Variants in HEXB observed in about 807,000 individuals in gnomAD.
HEXB encodes hexosaminidase subunit beta.
HEXB carries 51 observed loss-of-function variants against 71.2 expected under a neutral mutation model. The ratio of observed to expected loss-of-function variants is 0.72; its 90% CI spans 0.57 to 0.90. HEXB has a LOEUF of 0.90. Among genes scored for constraint, HEXB ranks in the 40% least tolerant of loss-of-function variants. The pLI, the probability that HEXB is intolerant of heterozygous loss-of-function variation, is 0.00. For synonymous variants in HEXB, 266 were observed against 249.3 expected (o/e 1.07, Z -0.63); for missense variants, 617 against 677.0 (o/e 0.91, Z 0.98).
At chr5:74,699,138 T>G (rs1749189052) in intron 5 of HEXB, among the ~76,000 whole-genome samples, 1 of 152,084 alleles carries the variant, frequency 6.6e-6, no homozygotes. Context: ...GAGCCAAGAT[T>G]ACGCCACTGC....
upstream of HEXB, among the ~76,000 whole-genome samples, chr5:74,683,700 GAGA>G (rs1382080936): frequency 6.6e-6 from 1 of 152,112 alleles, no homozygotes; most frequent in African/African-American, 2.4e-5. Flanking sequence ...AGAAAGGCAG[GAGA>G]AGGTCAGAAA....
intron 1 of HEXB, among the ~76,000 whole-genome samples, chr5:74,659,817 T>C (rs1748286708): frequency 1.3e-5 from 2 of 152,232 alleles, no homozygotes; most frequent in East Asian, 3.9e-4. Flanking sequence ...TTGATGAGAA[T>C]AAATGAAATT....
At chr5:74,712,041 A>C (rs951837501) in intron 6 of HEXB, among the ~76,000 whole-genome samples, 1 of 146,644 alleles carries the variant, frequency 6.8e-6, no homozygotes, top group Non-Finnish European at 1.5e-5. Flanking sequence ...CAAATGTCCA[A>C]CAATGATAGA....
At chr5:74,650,883 G>A (rs961234543) in intron 1 of HEXB, among the ~76,000 whole-genome samples, 19 of 137,094 alleles carry the variant, frequency 1.4e-4, no homozygotes, top group Admixed American at 4.1e-4. Context: ...CTGGGATCAC[G>A]CCACTGCACT....
chr5:74,667,687 C>T (rs1163550022), intron 1 of HEXB, among the ~76,000 whole-genome samples: 1 of 152,146 alleles, frequency 6.6e-6, no homozygotes, highest in Non-Finnish European at 1.5e-5. Context: ...ATGAGGGCAG[C>T]AGGGCTGGTA....
At chr5:74,684,115 G>A (rs900980510), upstream of HEXB, among the ~76,000 whole-genome samples, 2 of 152,098 alleles carry the variant, frequency 1.3e-5, no homozygotes, top group Non-Finnish European at 1.5e-5. Flanking sequence ...CGCCGCACCT[G>A]GCCTAATCAT....
At chr5:74,674,836 C>T (rs911396595) in intron 1 of HEXB, among the ~76,000 whole-genome samples, 1 of 152,030 alleles carries the variant, frequency 6.6e-6, no homozygotes, top group Non-Finnish European at 1.5e-5. Flanking sequence ...TCTCAGTTCT[C>T]TGTAACTAAG....
intron 6 of HEXB, among the ~76,000 whole-genome samples, chr5:74,710,319 C>A (rs62366365): frequency 0.34 from 52,010 of 150,782 alleles, 11,688 homozygotes; most frequent in African/African-American, 0.64. Flanking sequence ...TGACAAACCC[C>A]CAGCCAATAT....
At position 74,675,800 on chromosome 5, in the gene HEXB, C is replaced by CG. The variant is rs1454028268; in HGVS notation, c.-376-13522dup. 6.6e-5 allele frequency among the ~76,000 whole-genome samples: 10 copies of CG among 152,216 alleles called. No individual in the cohort carries two copies. The East Asian group carries it at 1.4e-3, about 21-fold the overall frequency. ...CTGTGTTTCCACAGCTGACTGGGGT[C>CG]GGGGGGTGAGGTGGTGGTATAAGCA... On this transcript the variant is annotated intron_variant, in intron 1 of 13. Transcript: ENST00000511181.
intron 2 of HEXB, among the ~76,000 whole-genome samples, chr5:74,690,112 A>G (rs1041766889): frequency 2.0e-5 from 3 of 152,196 alleles, no homozygotes; most frequent in South Asian, 4.1e-4. Context: ...CAGCAGTTTC[A>G]TTTGTAATCT....
intron 1 of HEXB, among the ~76,000 whole-genome samples, chr5:74,645,841 G>A (rs914249485): frequency 6.6e-6 from 1 of 152,124 alleles, no homozygotes; most frequent in African/African-American, 2.4e-5. Context: ...AACAATGTAT[G>A]GTAGAAATAT....
chr5:74,644,902 A>G (rs1290843597), intron 1 of HEXB, among the ~76,000 whole-genome samples: 1 of 149,666 alleles, frequency 6.7e-6, no homozygotes, highest in Admixed American at 6.7e-5. Context: ...CTCTCAAGTA[A>G]ATGGGACTAC....
At position 74,685,378 on chromosome 5, in the gene HEXB, G is replaced by T. The variant is rs767311937; in HGVS notation, c.118G>T (p.Ala40Ser). Reference protein sequence around the residue: ...LTQVALVVQVAEAARAPSVSA... With the variant: ...LTQVALVVQVSEAARAPSVSA... ...TCAGGTGGCGCTGGTGGTGCAGGTG[G>T]CGGAGGCGGCTCGGGCCCCGAGCGT... is the stretch of plus-strand genomic sequence containing the variant. The change falls in exon 1 of 14, where the codon GCG becomes TCG. Residue 40 changes from alanine (A) to serine (S), a missense_variant. Transcript: ENST00000261416. 4 of 1,590,246 alleles carry T rather than the reference G, an allele frequency of 2.5e-6. No homozygotes were observed. Among genetic ancestry groups the T allele is most frequent in the South Asian group, 1.1e-5 (1 of 89,124 alleles).
chr5:74,678,340 T>C (rs756921780), intron 1 of HEXB, among the ~76,000 whole-genome samples: 15 of 145,070 alleles, frequency 1.0e-4, no homozygotes, highest in Non-Finnish European at 2.1e-4. Context: ...AATAAATAAA[T>C]ACCATGCAAT....
chr5:74,646,725 G>C (rs1305131208), intron 1 of HEXB, among the ~76,000 whole-genome samples: 1 of 151,880 alleles, frequency 6.6e-6, no homozygotes, highest in Non-Finnish European at 1.5e-5. Flanking sequence ...CTGCCACCGC[G>C]CCCAGCTAAT....
At chr5:74,705,567 A>G in intron 6 of HEXB, 3 of 482,234 alleles carry the variant, frequency 6.2e-6, no homozygotes, top group Non-Finnish European at 1.1e-5. Flanking sequence ...ATCGAAATTT[A>G]ACAAGGTAGA....
intron 5 of HEXB, among the ~76,000 whole-genome samples, chr5:74,704,210 C>CT (rs1749326290): frequency 6.6e-6 from 1 of 152,176 alleles, no homozygotes; most frequent in African/African-American, 2.4e-5. Context: ...GCTCCCTTCT[C>CT]TGAGAGTGAA....
At chr5:74,677,478 T>TTTC (rs1375804576) in intron 1 of HEXB, among the ~76,000 whole-genome samples, 8 of 144,196 alleles carry the variant, frequency 5.5e-5, no homozygotes, top group Non-Finnish European at 7.7e-5. Flanking sequence ...TTGCATTTCT[T>TTTC]TTCTTCTTCT....
At chr5:74,674,566 T>C (rs562005687) in intron 1 of HEXB, among the ~76,000 whole-genome samples, 1 of 138,128 alleles carries the variant, frequency 7.2e-6, no homozygotes, top group East Asian at 2.1e-4. Flanking sequence ...ATTGCGCCAC[T>C]GCACTCCAGT....
Sources: allele counts gnomAD v4.1 joint callset (sites outside exome capture counted in the v4.1 genomes callset), GRCh38; gene constraint gnomAD v4.1.1; transcripts MANE v1.5; gene names NCBI Gene and HGNC (gene_info 2026-07-23, HGNC 2026-07-21).